Variants in B3GALT1 observed in about 807,000 individuals in gnomAD.
B3GALT1 encodes beta-1,3-galactosyltransferase 1.
Under a neutral mutation model 23.2 loss-of-function variants are expected in B3GALT1, and 10 were observed. That is an observed-to-expected ratio of 0.43 (90% confidence interval 0.27 to 0.73). The LOEUF is 0.73. Among genes scored for constraint, B3GALT1 ranks in the 30% least tolerant of loss-of-function variants. The pLI, the probability that B3GALT1 is intolerant of heterozygous loss-of-function variation, is 0.21. For synonymous variants in B3GALT1, 156 were observed against 141.5 expected, an observed-to-expected ratio of 1.10 and a Z score of -0.73; for missense variants, 299 against 405.4, an observed-to-expected ratio of 0.74 and a Z score of 2.25.
At chr2:167,422,795 G>A (rs117359787) in intron 1 of B3GALT1, among the ~76,000 whole-genome samples, 1 of 152,052 alleles carries the variant, frequency 6.6e-6, no homozygotes, top group South Asian at 2.1e-4. Context: ...TTTTTCCTGA[G>A]CCTTATGTGG....
chr2:167,678,812 C>T (rs1686473487), intron 3 of B3GALT1, among the ~76,000 whole-genome samples: 1 of 152,136 alleles, frequency 6.6e-6, no homozygotes, highest in Non-Finnish European at 1.5e-5. Context: ...TCATTGTTTT[C>T]TGGATACACT....
intron 3 of B3GALT1, chr2:167,715,911 A>T: frequency 6.2e-7 from 1 of 1,613,546 alleles, no homozygotes; most frequent in South Asian, 1.1e-5. Context: ...AACAACAAAA[A>T]ATCCAACAAC....
intron 3 of B3GALT1, among the ~76,000 whole-genome samples, chr2:167,706,765 G>A (rs1321996006): frequency 6.6e-6 from 1 of 152,216 alleles, no homozygotes; most frequent in African/African-American, 2.4e-5. Flanking sequence ...ACATAAGTGA[G>A]TATTGCAGAT....
chr2:167,486,611 A>C (rs191627409), intron 1 of B3GALT1, among the ~76,000 whole-genome samples: 1 of 152,062 alleles, frequency 6.6e-6, no homozygotes, highest in African/African-American at 2.4e-5. Context: ...CCAGCTACTC[A>C]GGAGGCTGAG....
intron 2 of B3GALT1, chr2:167,558,048 G>A (rs987162690): frequency 1.2e-4 from 18 of 152,172 alleles, no homozygotes; most frequent in Non-Finnish European, 1.9e-4. Flanking sequence ...GTCATTCACT[G>A]AGCCAGGGAT....
chr2:167,548,770 T>G (rs572771179), intron 2 of B3GALT1, among the ~76,000 whole-genome samples: 4 of 152,156 alleles, frequency 2.6e-5, no homozygotes, highest in Admixed American at 1.3e-4. Flanking sequence ...TAAATTAGAT[T>G]ACTCTTATTT....
chr2:167,812,996 AC>A (rs59345832), intron 3 of B3GALT1, among the ~76,000 whole-genome samples: 13,784 of 70,468 alleles, frequency 0.2, 1,096 homozygotes, highest in African/African-American at 0.32. Context: ...CACCACCCCC[AC>A]CCCCCCCCAC....
intron 1 of B3GALT1, among the ~76,000 whole-genome samples, chr2:167,334,481 A>T (rs941468283): frequency 1.3e-5 from 2 of 152,206 alleles, no homozygotes; most frequent in African/African-American, 2.4e-5. Context: ...TCAAGTTTGT[A>T]ATTCCCTGTG....
intron 3 of B3GALT1, among the ~76,000 whole-genome samples, chr2:167,737,962 G>A (rs1325523435): frequency 3.9e-5 from 6 of 152,196 alleles, no homozygotes; most frequent in Admixed American, 3.9e-4. Context: ...GGACCTGAGA[G>A]CCGTAAACTG....
rs191885661 is a variant in B3GALT1 at position 167,451,086 on chromosome 2, C to T, written c.-510-39091C>T. Among the ~76,000 whole-genome samples, 990 of 151,850 alleles carry T rather than the reference C, an allele frequency of 6.5e-3. 13 individuals carry two copies. The highest frequency in any genetic ancestry group is 0.023 in the African/African-American group (948 of 41,404). On this transcript the variant is annotated intron_variant, in intron 1 of 4. Transcript: ENST00000392690. The stretch of plus-strand genomic sequence containing the variant: ...ATGTTATTTCCCTGAAGATTTCTCC[C>T]CTCATTTCTTGTATATATGTATTTT...
chr2:167,442,717 G>A (rs1301486155), intron 1 of B3GALT1, among the ~76,000 whole-genome samples: 1 of 147,980 alleles, frequency 6.8e-6, no homozygotes, highest in African/African-American at 2.6e-5. Context: ...CCCACTTTTT[G>A]ATGGGGTTGT....
intron 1 of B3GALT1, among the ~76,000 whole-genome samples, chr2:167,443,504 T>C (rs1221203433): frequency 6.6e-6 from 1 of 152,166 alleles, no homozygotes; most frequent in Non-Finnish European, 1.5e-5. Context: ...TTCCTATCCA[T>C]GAGCATGGAA....
chr2:167,773,980 A>G (rs985535986), intron 3 of B3GALT1, among the ~76,000 whole-genome samples: 1 of 152,228 alleles, frequency 6.6e-6, no homozygotes, highest in Non-Finnish European at 1.5e-5. Context: ...TAAATGCTCA[A>G]TTTAGAGAGC....
chr2:167,736,791 GGGTGT>G (rs962038742), intron 3 of B3GALT1, among the ~76,000 whole-genome samples: 2 of 152,048 alleles, frequency 1.3e-5, no homozygotes, highest in African/African-American at 2.4e-5. Flanking sequence ...AAAAGTAGCC[GGGTGT>G]GGTGGTGCAT....
intron 3 of B3GALT1, among the ~76,000 whole-genome samples, chr2:167,664,037 A>C (rs1412473240): frequency 6.6e-5 from 10 of 150,964 alleles, no homozygotes; most frequent in South Asian, 6.3e-4. Context: ...GTCCTTGCCC[A>C]TGCCTATGTC....
At chr2:167,570,044 A>G (rs1205639986) in intron 2 of B3GALT1, among the ~76,000 whole-genome samples, 3 of 151,864 alleles carry the variant, frequency 2.0e-5, no homozygotes, top group African/African-American at 7.2e-5. Flanking sequence ...TGTATTCTTT[A>G]CATACATTGT....
At chr2:167,817,745 C>T (rs1689023398) in intron 3 of B3GALT1, among the ~76,000 whole-genome samples, 1 of 152,078 alleles carries the variant, frequency 6.6e-6, no homozygotes, top group African/African-American at 2.4e-5. Context: ...TTACCCAGAA[C>T]TTACTCTATG....
chr2:167,467,322 AGGG>A (rs1439209292), intron 1 of B3GALT1, among the ~76,000 whole-genome samples: 10 of 152,156 alleles, frequency 6.6e-5, no homozygotes, highest in African/African-American at 2.4e-4. Flanking sequence ...TACTTCATGT[AGGG>A]CCTCCCTCGA....
At chr2:167,354,827 A>G (rs986945384) in intron 1 of B3GALT1, among the ~76,000 whole-genome samples, 9 of 152,110 alleles carry the variant, frequency 5.9e-5, no homozygotes, top group African/African-American at 2.2e-4. Context: ...TATTGCCTGC[A>G]CCACATTTAT....
Sources: gnomAD v4.1 joint callset for allele counts (sites outside exome capture counted in the v4.1 genomes callset) on GRCh38, gnomAD v4.1.1 for gene constraint, MANE v1.5 for transcripts, NCBI Gene and HGNC (gene_info 2026-07-23, HGNC 2026-07-21) for gene names.